The following OGDHL variants were observed in gnomAD, a reference collection of about 807,000 sequenced individuals.
The protein encoded by OGDHL is oxoglutarate dehydrogenase L.
OGDHL carries 79 observed loss-of-function variants against 109.6 expected under a neutral mutation model. That is an observed-to-expected ratio of 0.72 (90% confidence interval 0.60 to 0.87). The LOEUF (loss-of-function observed/expected upper bound fraction) is 0.87. Ranked by LOEUF, OGDHL falls within the 40% of genes least tolerant of loss-of-function variation. OGDHL has a pLI of 0.00. For synonymous variants in OGDHL, 528 were observed against 537.2 expected, an observed-to-expected ratio of 0.98 and a Z score of 0.24; for missense variants, 1,275 against 1,362.2, an observed-to-expected ratio of 0.94 and a Z score of 1.01.
chr10:49,738,339 C>T, intron 17 of OGDHL, 77 bp from the exon 18 acceptor site: 1 of 1,524,536 alleles, frequency 6.6e-7, no homozygotes, highest in Non-Finnish European at 9.0e-7. Context: ...ACCCCAGGCT[C>T]AGGGGAAAGT....
At chr10:49,760,859 A>C (rs1019329970) in intron 1 of OGDHL, among the ~76,000 whole-genome samples, 50 of 152,260 alleles carry the variant, frequency 3.3e-4, no homozygotes, top group Non-Finnish European at 2.9e-5. Context: ...GCTGAGCCAG[A>C]GCTGCTCCCT....
Position 49,758,553 on chromosome 10 carries a change from G to A in OGDHL, c.40C>T (p.Gln14Ter). ...LRLLPSRLGV[Q>*]AARLLAAHDV... is the part of the protein sequence containing the mutation. ...TGTGCAGCCAGGAGCCTCGCAGCCT[G>A]TACCCCAAGACGGGACGGCAGCAGC... is the stretch of plus-strand genomic sequence containing the variant. Residue 14 changes from glutamine to a stop codon, truncating the protein, a stop_gained, in exon 2 of 23, where the codon CAG becomes TAG. Transcript: ENST00000374103. LOFTEE classifies it high-confidence loss of function. 2 of 1,613,908 alleles carry A rather than the reference G, an allele frequency of 1.2e-6. No individual in the cohort carries two copies. Among genetic ancestry groups the A allele is most frequent in the East Asian group, 4.5e-5 (2 of 44,882 alleles).
At chr10:49,745,589 C>G in intron 11 of OGDHL, 93 bp from the exon 12 acceptor site, 1 of 1,514,548 alleles carries the variant, frequency 6.6e-7, no homozygotes, top group Non-Finnish European at 9.0e-7. Context: ...GTAGGGCACA[C>G]CCACTGGGAG....
chr10:49,740,624 A>G (rs1208353301), intron 16 of OGDHL, 86 bp downstream of exon 16: 22 of 1,500,406 alleles, frequency 1.5e-5, no homozygotes, highest in Non-Finnish European at 1.8e-5. Context: ...CGCCCCTCCC[A>G]GGCCCTGGCC....
rs879495699 is a variant in OGDHL at position 49,741,953 on chromosome 10, CCA to C, written c.2012+873_2012+874del. Among the ~76,000 whole-genome samples, 14 of 126,966 alleles carry C rather than the reference CCA, an allele frequency of 1.1e-4. No individual in the cohort carries two copies. The East Asian group carries it at 1.4e-3, about 13-fold the overall frequency. 83.3% of individuals were successfully genotyped at this position (126,966 alleles called of 152,430 possible). A position where few individuals can be genotyped will look rare whatever the true frequency, so the allele number is the denominator to read the frequency against. ...CACACCACAAACACAATCACACACA[CCA>C]CACACACTACATACACTACACACAC... On this transcript the variant is annotated intron_variant, in intron 15 of 22. Coordinates refer to ENST00000374103, the MANE Select transcript of OGDHL (RefSeq NM_018245.3).
At chr10:49,742,799 G>C (rs1841877098) in intron 15 of OGDHL, 29 bp downstream of exon 15, 4 of 1,602,348 alleles carry the variant, frequency 2.5e-6, no homozygotes, top group Non-Finnish European at 3.4e-6. Flanking sequence ...CAGGTCTCCT[G>C]TGCGGATGCT....
intron 14 of OGDHL, 92 bp downstream of exon 14, chr10:49,743,902 C>T: frequency 1.3e-6 from 2 of 1,487,140 alleles, no homozygotes; most frequent in South Asian, 2.5e-5. Flanking sequence ...ATGCGACACA[C>T]CATCTCTCTT....
At chr10:49,755,680 C>A (rs1842874760) in intron 3 of OGDHL, among the ~76,000 whole-genome samples, 1 of 152,180 alleles carries the variant, frequency 6.6e-6, no homozygotes, top group Admixed American at 6.5e-5. Context: ...GAGTAACACA[C>A]CTGAATCCAG....
chr10:49,757,176 C>T (rs1287803196), intron 2 of OGDHL, among the ~76,000 whole-genome samples: 2 of 152,170 alleles, frequency 1.3e-5, no homozygotes, highest in Non-Finnish European at 1.5e-5. Context: ...GGCTAAATAA[C>T]GATTTTACAT....
In OGDHL at chr10:49,735,192, A is replaced by C. The variant is rs755848343; in HGVS notation, c.*36T>G. On this transcript the variant is annotated 3_prime_UTR_variant, in exon 23 of 23. Coordinates refer to ENST00000374103, the MANE Select transcript of OGDHL (RefSeq NM_018245.3). ...TTCATCACCCCCTTGGTCCCCAGCA[A>C]ACCCACAGCGAGACCTACACAGGTT... The C allele has an allele frequency of 3.2e-6, 5 of 1,540,012 alleles. No homozygotes were observed. The South Asian group carries it at 6.0e-5, about 18-fold the overall frequency.
At chr10:49,751,744 T>G in intron 6 of OGDHL, 83 bp downstream of exon 6, 1 of 1,522,658 alleles carries the variant, frequency 6.6e-7, no homozygotes, top group Non-Finnish European at 8.9e-7. Context: ...GGTACCCTCC[T>G]GCTCTCTTAG....
chr10:49,738,082 C>A lies in OGDHL; in HGVS notation c.2392-10G>T. On this transcript the variant is annotated splice_polypyrimidine_tract_variant and intron_variant, in intron 18 of 22. Coordinates refer to ENST00000374103, the MANE Select transcript of OGDHL (RefSeq NM_018245.3). Reference sequence around the variant, plus strand: ...AGTCCTTGGTGAATGCCTGTGGGGACGAGATGCATATGGCCAGGGTGGCTG... The same window carrying A: ...AGTCCTTGGTGAATGCCTGTGGGGAAGAGATGCATATGGCCAGGGTGGCTG... 1 of 1,614,086 alleles carries A rather than the reference C, an allele frequency of 6.2e-7. No individual in the cohort carries two copies. The highest frequency in any genetic ancestry group is 8.5e-7 in the Non-Finnish European group (1 of 1,180,006).
chr10:49,740,792 C>A lies in OGDHL; in HGVS notation c.2058G>T (p.Thr686=), dbSNP rs778277423. 2 of 1,613,836 alleles carry A rather than the reference C, an allele frequency of 1.2e-6. No homozygotes were observed. The highest frequency in any genetic ancestry group is 4.5e-5 in the East Asian group (2 of 44,890). The change falls in exon 16 of 23, where the codon ACG becomes ACT. Residue 686 remains threonine (T), a synonymous_variant. Coordinates refer to ENST00000374103, the MANE Select transcript of OGDHL (RefSeq NM_018245.3). ...VLHDQEVDRR[T]CVPMNHLWPD... is the part of the protein sequence containing the mutation. ...GCCAGAGATGATTCATAGGCACACA[C>A]GTCCTGCGGTCAACCTCCTGGTCAT...
At position 49,749,124 on chromosome 10, in the gene OGDHL, G is replaced by A. The variant is rs576196676; in HGVS notation, c.987+602C>T. Among the ~76,000 whole-genome samples the A allele has an allele frequency of 2.3e-4, 35 of 152,234 alleles. No individual in the cohort carries two copies. The South Asian group carries it at 7.1e-3, about 31-fold the overall frequency. On this transcript the variant is annotated intron_variant, in intron 8 of 22. Coordinates refer to ENST00000374103, the MANE Select transcript of OGDHL (RefSeq NM_018245.3). ...CTTGGAAGGTTGAGGCAGGAGAATC[G>A]CTTGAACCCAGGAGGCAGAGGTTGC...
At chr10:49,739,900 C>G in intron 16 of OGDHL, 61 bp from the exon 17 acceptor site, 4 of 1,539,644 alleles carry the variant, frequency 2.6e-6, no homozygotes, top group Non-Finnish European at 3.5e-6. Context: ...TGGCTCCAGT[C>G]AAATTTAGCC....
At position 49,744,616 on chromosome 10, in the gene OGDHL, G is replaced by C. The variant is rs552914156; in HGVS notation, c.1732+34C>G. On this transcript the variant is annotated intron_variant, in intron 13 of 22. Coordinates refer to ENST00000374103, the MANE Select transcript of OGDHL (RefSeq NM_018245.3). ...CCCAGTGCAAGACCTCAAGGCCCAG[G>C]GGAGTCCCTCTGAGCCACACACTGC... 50 of 1,538,506 alleles carry C rather than the reference G, an allele frequency of 3.2e-5. No homozygotes were observed. The South Asian group carries it at 5.1e-4, about 16-fold the overall frequency.
At position 49,737,834 on chromosome 10, in the gene OGDHL, G is replaced by A. The variant is rs756509916; in HGVS notation, c.2542C>T (p.Leu848=). The change falls in exon 20 of 23, where the codon CTG becomes TTG. Residue 848 remains leucine (L), a synonymous_variant. Coordinates refer to ENST00000374103, the MANE Select transcript of OGDHL (RefSeq NM_018245.3). The part of the protein sequence containing the change: ...KPLIIFTPKS[L]LRHPEAKSSF... ...GACTTGGCCTCTGGGTGCCTCAGCAGAGATTTAGGTGTGAAGATAATCAGC... is the reference window on the plus strand; with the variant it reads ...GACTTGGCCTCTGGGTGCCTCAGCAAAGATTTAGGTGTGAAGATAATCAGC... 2 of 1,614,232 alleles carry A rather than the reference G, an allele frequency of 1.2e-6. No homozygotes were observed. Among genetic ancestry groups the A allele is most frequent in the East Asian group, 4.5e-5 (2 of 44,870 alleles).
chr10:49,749,847 G>A, intron 7 of OGDHL, 31 bp from the exon 8 acceptor site: 1 of 1,550,604 alleles, frequency 6.4e-7, no homozygotes, highest in Admixed American at 1.9e-5. Context: ...CTCTCACCTG[G>A]CAAAGCCCGC....
chr10:49,751,183 G>C (rs1383237590), intron 6 of OGDHL, among the ~76,000 whole-genome samples, 198 bp from the exon 7 acceptor site: 1 of 151,998 alleles, frequency 6.6e-6, no homozygotes, highest in Non-Finnish European at 1.5e-5. Flanking sequence ...AGGGTTAGGG[G>C]AGGCTAGGCA....
Sources: gnomAD v4.1 joint callset for allele counts (sites outside exome capture counted in the v4.1 genomes callset) on GRCh38, gnomAD v4.1.1 for gene constraint, MANE v1.5 for transcripts, NCBI Gene and HGNC (gene_info 2026-07-23, HGNC 2026-07-21) for gene names.